The following DYSF variants were observed in gnomAD, a reference collection of about 807,000 sequenced individuals.
The protein encoded by DYSF is dystrophy-associated fer-1-like 1.
DYSF carries 212 observed loss-of-function variants against 274.9 expected under a neutral mutation model. That is an observed-to-expected ratio of 0.77 (90% CI 0.69 to 0.86). The LOEUF (loss-of-function observed/expected upper bound fraction) is 0.86. Among genes scored for constraint, DYSF ranks in the 40% least tolerant of loss-of-function variants. The pLI, the probability that DYSF is intolerant of heterozygous loss-of-function variation, is 0.00. For synonymous variants in DYSF, 1,091 were observed against 1,078.7 expected (o/e 1.01, Z -0.22); for missense variants, 2,666 against 2,783.2 (o/e 0.96, Z 0.95).
chr2:71,572,256 C>T lies in DYSF; in HGVS notation c.3228+1515C>T, dbSNP rs2092534512. 3.5e-4 allele frequency among the ~76,000 whole-genome samples: 2 copies of T among 5,730 alleles called. 1 individual carries two copies. The highest frequency in any genetic ancestry group is 0.012 in the South Asian group (2 of 172). The allele number at this position is 5,730 out of a possible 152,430, so 3.8% of individuals were successfully genotyped here. A position where few individuals can be genotyped will look rare whatever the true frequency, so the allele number is the denominator to read the frequency against. On this transcript the variant is annotated intron_variant, in intron 29 of 55. Coordinates refer to ENST00000410020, the MANE Select transcript of DYSF (RefSeq NM_001130987.2). ...ATGCACAGATCACACCTAGCACACC[C>T]ACAGATCACAACCAGCACAGATCAC... is the stretch of plus-strand genomic sequence containing the variant.
intron 41 of DYSF, among the ~76,000 whole-genome samples, chr2:71,641,340 G>A (rs1014256889): frequency 4.0e-5 from 6 of 151,590 alleles, no homozygotes; most frequent in African/African-American, 9.7e-5. Context: ...CACCACGCCC[G>A]GCTAATTTTT....
At chr2:71,564,755 C>G (rs906069987) in intron 24 of DYSF, among the ~76,000 whole-genome samples, 1 of 152,246 alleles carries the variant, frequency 6.6e-6, no homozygotes, top group African/African-American at 2.4e-5. Flanking sequence ...CTCACCAGCC[C>G]CCACCTCTCC....
chr2:71,570,084 C>T, intron 27 of DYSF, 145 bp from the exon 28 acceptor site: 3 of 1,042,430 alleles, frequency 2.9e-6, no homozygotes, highest in South Asian at 1.3e-5. Context: ...GTGTGGGGTG[C>T]AGTGGTGGCA....
intron 23 of DYSF, among the ~76,000 whole-genome samples, chr2:71,562,611 C>T (rs921873399): frequency 3.9e-5 from 6 of 152,210 alleles, no homozygotes; most frequent in African/African-American, 1.2e-4. Flanking sequence ...TGGGCAGACA[C>T]AGCTGCTGCC....
At chr2:71,525,893 A>G (rs1199135987) in intron 12 of DYSF, among the ~76,000 whole-genome samples, 1 of 152,168 alleles carries the variant, frequency 6.6e-6, no homozygotes, top group African/African-American at 2.4e-5. Flanking sequence ...CTACTGTACT[A>G]TGTTTTAACC....
chr2:71,500,782 C>A (rs114131778), intron 3 of DYSF, among the ~76,000 whole-genome samples: 1 of 151,950 alleles, frequency 6.6e-6, no homozygotes, highest in Non-Finnish European at 1.5e-5. Context: ...CCTCCTTGGG[C>A]CCTGCCTCCC....
chr2:71,506,659 A>G (rs1393004901), intron 4 of DYSF, among the ~76,000 whole-genome samples: 1 of 152,134 alleles, frequency 6.6e-6, no homozygotes, highest in Non-Finnish European at 1.5e-5. Flanking sequence ...AGAGAAGGAG[A>G]CAGGGGTTGA....
intron 32 of DYSF, among the ~76,000 whole-genome samples, chr2:71,591,271 G>A (rs1050185973): frequency 2.0e-5 from 3 of 152,216 alleles, no homozygotes; most frequent in Non-Finnish European, 2.9e-5. Flanking sequence ...ACTTCCCCAA[G>A]CCAAGCTGTT....
intron 45 of DYSF, among the ~76,000 whole-genome samples, chr2:71,662,850 G>A (rs2094914980): frequency 9.8e-6 from 1 of 101,752 alleles, no homozygotes; most frequent in African/African-American, 3.2e-5. Flanking sequence ...GTGTGTGTAT[G>A]TGTGTGTGTC....
chr2:71,600,955 C>A, intron 34 of DYSF, 113 bp downstream of exon 34: 1 of 1,440,562 alleles, frequency 6.9e-7, no homozygotes, highest in Non-Finnish European at 9.5e-7. Context: ...TGCTGAGACC[C>A]ATTTTCTGAA....
At chr2:71,612,027 C>T (rs2093774698) in intron 38 of DYSF, among the ~76,000 whole-genome samples, 1 of 152,198 alleles carries the variant, frequency 6.6e-6, no homozygotes, top group African/African-American at 2.4e-5. Context: ...CTCACCCCCA[C>T]AGCCCTCAGG....
At chr2:71,652,580 A>G (rs1249260491) in intron 42 of DYSF, among the ~76,000 whole-genome samples, 1 of 152,244 alleles carries the variant, frequency 6.6e-6, no homozygotes, top group Non-Finnish European at 1.5e-5. Flanking sequence ...GAATCAGATC[A>G]TGTTCCTGTA....
chr2:71,613,463 C>T (rs377528158), intron 40 of DYSF, 53 bp downstream of exon 40: 2 of 1,421,360 alleles, frequency 1.4e-6, no homozygotes, highest in Non-Finnish European at 2.0e-6. Flanking sequence ...CTCCATTCCT[C>T]ATCAATTCCC....
intron 13 of DYSF, 49 bp downstream of exon 13, chr2:71,526,395 GCA>G: frequency 3.2e-6 from 5 of 1,576,752 alleles, no homozygotes; most frequent in South Asian, 1.1e-5. Flanking sequence ...GGCTGGAGGC[GCA>G]GGGCTGGTGG....
intron 13 of DYSF, 109 bp downstream of exon 13, chr2:71,526,455 G>T (rs960478393): frequency 2.1e-6 from 3 of 1,454,176 alleles, no homozygotes; most frequent in Admixed American, 4.6e-5. Flanking sequence ...AAGGAGAGGC[G>T]TCTAGGAAAA....
intron 41 of DYSF, among the ~76,000 whole-genome samples, chr2:71,634,265 T>C (rs544802193): frequency 5.3e-5 from 8 of 152,262 alleles, no homozygotes; most frequent in Non-Finnish European, 8.8e-5. Context: ...CTCCTTGCCA[T>C]GTTCCAAAAC....
At chr2:71,456,891 C>T (rs553237094) in intron 1 of DYSF, among the ~76,000 whole-genome samples, 3 of 152,260 alleles carry the variant, frequency 2.0e-5, no homozygotes, top group East Asian at 1.9e-4. Flanking sequence ...CCAGGGCACT[C>T]GGACCTGAGC....
chr2:71,669,329 G>A (rs1202189486), intron 50 of DYSF, 122 bp downstream of exon 50: 1 of 946,506 alleles, frequency 1.1e-6, no homozygotes, highest in Non-Finnish European at 1.7e-6. Flanking sequence ...TTCCAACGAG[G>A]GCTCCTGGGG....
In DYSF at chr2:71,668,764, A is replaced by G. The variant is rs904042884; in HGVS notation, c.5468A>G (p.Gln1823Arg). The G allele has an allele frequency of 1.9e-6, 3 of 1,613,662 alleles. No homozygotes were observed. Among genetic ancestry groups the G allele is most frequent in the Non-Finnish European group, 2.5e-6 (3 of 1,179,972 alleles). The part of the protein sequence containing the change: ...LQPDIEQGKL[Q>R]MWVDLFPKAL... The stretch of plus-strand genomic sequence containing the variant: ...ACCCTGTCTCCGCAGGGGAAGCTGC[A>G]GATGTGGGTCGACCTATTTCCGAAG... The change falls in exon 49 of 56, where the codon CAG (glutamine) becomes CGG (arginine). Residue 1823 changes from glutamine (Q) to arginine (R), a missense_variant. Coordinates refer to ENST00000410020, the MANE Select transcript of DYSF (RefSeq NM_001130987.2).
Sources: gnomAD v4.1 joint callset for allele counts (sites outside exome capture counted in the v4.1 genomes callset) on GRCh38, gnomAD v4.1.1 for gene constraint, MANE v1.5 for transcripts, NCBI Gene and HGNC (gene_info 2026-07-23, HGNC 2026-07-21) for gene names.